RSF1: variants seen among roughly 807,000 people sequenced by gnomAD.
The protein encoded by RSF1 is HBV pX-associated protein 8.
RSF1 carries 13 observed loss-of-function variants against 145.2 expected under a neutral mutation model. That is an observed-to-expected ratio of 0.09 (90% CI 0.06 to 0.14). RSF1 has a LOEUF of 0.14. Among genes scored for constraint, RSF1 ranks in the 10% least tolerant of loss-of-function variants. The pLI is 1.00. For synonymous variants in RSF1, 577 were observed against 592.6 expected, an observed-to-expected ratio of 0.97 and a Z score of 0.38; for missense variants, 1,517 against 1,718.2, an observed-to-expected ratio of 0.88 and a Z score of 2.07.
the RSF1 span, among the ~76,000 whole-genome samples, chr11:77,849,825 A>G: frequency 2.1e-3 from 318 of 152,278 alleles, 3 homozygotes; most frequent in African/African-American, 6.4e-3. Context: ...AATCTTATAC[A>G]TTCCTCTATT....
At chr11:77,842,591 G>A in the RSF1 span, 1 of 1,614,026 alleles carries the variant, frequency 6.2e-7, no homozygotes, top group Non-Finnish European at 8.5e-7. Context: ...TGGCCAGGGG[G>A]TAGTCGGACT....
At position 77,672,695 on chromosome 11, in the gene RSF1, G is replaced by A. The variant is rs548992658; in HGVS notation, c.3563-465C>T. On this transcript the variant is annotated intron_variant, in intron 14 of 15. Transcript: ENST00000308488. ...ATGTTTTATCCTTTTTAGTTTGTTT[G>A]TTTTTGAGACAGAGTCTCACTATGT... 2.0e-5 allele frequency among the ~76,000 whole-genome samples: 3 copies of A among 150,180 alleles called. No individual in the cohort carries two copies. In the East Asian group the frequency reaches 6.0e-4, roughly 30 times the overall value.
intron 9 of RSF1, among the ~76,000 whole-genome samples, chr11:77,685,990 T>TA (rs1345481705): frequency 2.0e-5 from 3 of 152,250 alleles, no homozygotes; most frequent in Admixed American, 6.5e-5. Flanking sequence ...AATGCAGACG[T>TA]ATAGCTCTGT....
chr11:77,749,569 A>C (rs7123204), intron 2 of RSF1, among the ~76,000 whole-genome samples: 1 of 152,080 alleles, frequency 6.6e-6, no homozygotes, highest in African/African-American at 2.4e-5. Flanking sequence ...CAGTGTCACA[A>C]ATTCCAAAAA....
intron 3 of RSF1, among the ~76,000 whole-genome samples, chr11:77,745,857 C>T (rs932037104): frequency 5.9e-5 from 9 of 151,810 alleles, no homozygotes; most frequent in Non-Finnish European, 1.2e-4. Flanking sequence ...TGTCAGCTAT[C>T]CCAATGGTCT....
chr11:77,717,931 A>T (rs1201123782), intron 5 of RSF1: 12 of 152,254 alleles, frequency 7.9e-5, no homozygotes, highest in Admixed American at 7.9e-4. Context: ...ACTACGAGCA[A>T]GAGTATTTCC....
the RSF1 span, among the ~76,000 whole-genome samples, chr11:77,838,742 G>A: frequency 9.3e-5 from 14 of 150,874 alleles, no homozygotes; most frequent in South Asian, 4.2e-4. Flanking sequence ...TCAGCCTCTC[G>A]AGTAGCTGAG....
the RSF1 span, among the ~76,000 whole-genome samples, chr11:77,858,786 G>A: frequency 2.0e-5 from 3 of 152,162 alleles, no homozygotes; most frequent in East Asian, 5.8e-4. Flanking sequence ...GGGCTAGCAG[G>A]CCAGTCCAGG....
intron 1 of RSF1, among the ~76,000 whole-genome samples, chr11:77,814,262 C>T (rs1490890606): frequency 6.6e-6 from 1 of 150,872 alleles, no homozygotes; most frequent in East Asian, 2.0e-4. Context: ...CTTTGGGAGG[C>T]CGAGGTGGGA....
intron 4 of RSF1, 119 bp from the exon 5 acceptor site, chr11:77,725,818 C>A: frequency 1.4e-6 from 1 of 705,056 alleles, no homozygotes; most frequent in Non-Finnish European, 2.1e-6. Context: ...ACATCAAAAA[C>A]ACTGGTACAG....
upstream of RSF1, chr11:77,821,290 G>A (rs1948886299): frequency 1.1e-5 from 2 of 190,452 alleles, no homozygotes; most frequent in Admixed American, 6.0e-5. Context: ...TGGTGGAGAG[G>A]TTGAGGAGAA....
chr11:77,871,410 G>A, the RSF1 span, among the ~76,000 whole-genome samples: 55 of 152,040 alleles, frequency 3.6e-4, no homozygotes, highest in African/African-American at 6.0e-4. Flanking sequence ...AACTGGTGAC[G>A]GTGCGATAAA....
upstream of RSF1, among the ~76,000 whole-genome samples, chr11:77,822,414 CAAAAAAAAA>C (rs66463325): frequency 1.1e-4 from 8 of 74,784 alleles, no homozygotes; most frequent in African/African-American, 4.0e-4. Context: ...GACTCCACCT[CAAAAAAAAA>C]AAAAAAAAAA....
At chr11:77,830,987 C>CAAAAAAAAAAAAAAAAA in the RSF1 span, among the ~76,000 whole-genome samples, 2 of 100,512 alleles carry the variant, frequency 2.0e-5, no homozygotes, top group Admixed American at 1.1e-4. Context: ...CAAAATATAC[C>CAAAAAAAAAAAAAAAAA]AAAAAAAAAA....
intron 2 of RSF1, among the ~76,000 whole-genome samples, chr11:77,758,114 C>T (rs1948133829): frequency 7.0e-6 from 1 of 142,518 alleles, no homozygotes; most frequent in Non-Finnish European, 1.5e-5. Flanking sequence ...CTAGACTGGG[C>T]GACAGAGGGA....
At chr11:77,766,435 A>G (rs1357354309) in intron 1 of RSF1, among the ~76,000 whole-genome samples, 1 of 152,226 alleles carries the variant, frequency 6.6e-6, no homozygotes, top group Non-Finnish European at 1.5e-5. Flanking sequence ...AATACTAGTA[A>G]GAAAGAAACA....
rs965557537 is a variant in RSF1, at chr11:77,735,148, C to T, written c.578+5583G>A. On this transcript the variant is annotated intron_variant, in intron 4 of 15. Transcript: ENST00000308488. ...GTGAGGGAGGGCTGGCTATGGGCGG[C>T]CGGCTGGGGTGGGGGACGAGCACCG... is the stretch of plus-strand genomic sequence containing the variant. 1.6e-4 allele frequency: 113 copies of T among 708,118 alleles called. 2 individuals are homozygous for T. In the South Asian group the frequency reaches 1.6e-3, roughly 10 times the overall value. The allele number at this position is 708,118 out of a possible 1,614,324, so 43.9% of individuals were successfully genotyped here.
At chr11:77,775,501 C>T (rs1441618413) in intron 1 of RSF1, among the ~76,000 whole-genome samples, 1 of 152,094 alleles carries the variant, frequency 6.6e-6, no homozygotes, top group Non-Finnish European at 1.5e-5. Context: ...GAGAATGCTC[C>T]CATGGACATC....
At chr11:77,735,718 TCTTCC>T (rs1374417198) in intron 4 of RSF1, among the ~76,000 whole-genome samples, 1 of 152,190 alleles carries the variant, frequency 6.6e-6, no homozygotes, top group Non-Finnish European at 1.5e-5. Flanking sequence ...CTTTACTTGT[TCTTCC>T]CTTATCACTT....
Sources: gnomAD v4.1 joint callset for allele counts (sites outside exome capture counted in the v4.1 genomes callset) on GRCh38, gnomAD v4.1.1 for gene constraint, MANE v1.5 for transcripts, NCBI Gene and HGNC (gene_info 2026-07-23, HGNC 2026-07-21) for gene names.